COL24A1: variants seen among roughly 807,000 people sequenced by gnomAD.
COL24A1 encodes the protein collagen alpha-1(XXIV) chain.
A neutral mutation model predicts 253.9 loss-of-function variants in COL24A1; 224 were observed. That is an observed-to-expected ratio of 0.88 (90% CI 0.79 to 0.99). The LOEUF (loss-of-function observed/expected upper bound fraction) is 0.99. Among genes scored for constraint, COL24A1 ranks in the 50% least tolerant of loss-of-function variants. The probability of loss-of-function intolerance (pLI) is 0.00; values close to 1 mark genes in which losing one functional copy is unlikely to be tolerated. For synonymous variants in COL24A1, 685 were observed against 673.7 expected (o/e 1.02, Z -0.26); for missense variants, 2,131 against 2,068.5 (o/e 1.03, Z -0.59).
At chr1:86,130,245 A>G (rs1437844175) in intron 2 of COL24A1, among the ~76,000 whole-genome samples, 2 of 151,736 alleles carry the variant, frequency 1.3e-5, no homozygotes, top group Non-Finnish European at 2.9e-5. Context: ...GTTTTCATCT[A>G]CTGTGAAACA....
chr1:85,973,325 T>G (rs1236719929), intron 20 of COL24A1, among the ~76,000 whole-genome samples: 2 of 152,158 alleles, frequency 1.3e-5, no homozygotes, highest in Admixed American at 1.3e-4. Flanking sequence ...TCCCAATGAA[T>G]TCATAATTTA....
chr1:85,987,919 T>A (rs17128640), intron 19 of COL24A1, among the ~76,000 whole-genome samples: 1,868 of 151,970 alleles, frequency 0.012, 49 homozygotes, highest in African/African-American at 0.043. Flanking sequence ...GAAGTCTCAG[T>A]CCAAAATTAT....
intron 37 of COL24A1, among the ~76,000 whole-genome samples, chr1:85,862,377 C>T (rs313763): frequency 0.8 from 121,369 of 152,076 alleles, 48,784 homozygotes; most frequent in Non-Finnish European, 0.83. Context: ...AAATCTAAGA[C>T]AATGAATTTT....
intron 28 of COL24A1, among the ~76,000 whole-genome samples, chr1:85,906,264 C>CTTTTTTTTTTTTTTTTTTTTTTTTT (rs10526604): frequency 0.046 from 3,568 of 77,652 alleles, 934 homozygotes; most frequent in Non-Finnish European, 0.055. Context: ...ACTGCAAGGT[C>CTTTTTTTTTTTTTTTTTTTTTTTTT]TTTTTTTTTT....
At chr1:85,946,729 C>G (rs1315932595) in intron 24 of COL24A1, among the ~76,000 whole-genome samples, 1 of 152,164 alleles carries the variant, frequency 6.6e-6, no homozygotes, top group African/African-American at 2.4e-5. Context: ...CCTCAAAACC[C>G]ATGTACTTTC....
chr1:85,845,057 A>G (rs1367043156), intron 39 of COL24A1, among the ~76,000 whole-genome samples: 1 of 151,968 alleles, frequency 6.6e-6, no homozygotes. Flanking sequence ...CTTTGCTTAC[A>G]AATACAAATG....
chr1:85,989,319 T>G lies in COL24A1; in HGVS notation c.2311-1665A>C, dbSNP rs550570515. Among the ~76,000 whole-genome samples, 6 of 152,114 alleles carry G rather than the reference T, an allele frequency of 3.9e-5. No individual in the cohort carries two copies. In the East Asian group the frequency reaches 1.2e-3, roughly 29 times the overall value. On this transcript the variant is annotated intron_variant, in intron 19 of 59. Transcript: ENST00000370571. Reference sequence around the variant, plus strand: ...CTGTATAACAGATTTTTCATATGCTTTGAATACTTTCATATTTTTGATATA... The same window carrying G: ...CTGTATAACAGATTTTTCATATGCTGTGAATACTTTCATATTTTTGATATA...
intron 54 of COL24A1, 33 bp downstream of exon 54, chr1:85,761,498 A>T: frequency 6.2e-7 from 1 of 1,614,006 alleles, no homozygotes; most frequent in South Asian, 1.1e-5. Context: ...ATAAGCATCA[A>T]TGGTAAACAG....
intron 2 of COL24A1, among the ~76,000 whole-genome samples, chr1:86,141,042 T>C (rs1038033169): frequency 6.6e-6 from 1 of 152,180 alleles, no homozygotes; most frequent in African/African-American, 2.4e-5. Context: ...CAAATGAGAA[T>C]AAGGAAATGT....
chr1:85,952,023 T>A (rs1689984290), intron 24 of COL24A1, among the ~76,000 whole-genome samples: 1 of 152,122 alleles, frequency 6.6e-6, no homozygotes, highest in South Asian at 2.1e-4. Flanking sequence ...GCTCCCCTCA[T>A]CGGGCTGCTT....
intron 53 of COL24A1, among the ~76,000 whole-genome samples, chr1:85,774,009 G>C (rs552475875): frequency 6.6e-6 from 1 of 152,106 alleles, no homozygotes; most frequent in Non-Finnish European, 1.5e-5. Flanking sequence ...CTGTGGGTTT[G>C]TCATAAATAG....
intron 24 of COL24A1, among the ~76,000 whole-genome samples, chr1:85,952,073 G>T (rs1026603535): frequency 1.3e-5 from 2 of 152,114 alleles, no homozygotes; most frequent in Non-Finnish European, 2.9e-5. Flanking sequence ...ATAAACAGAA[G>T]ATAGAGTCCA....
At chr1:86,106,777 A>G (rs374399869) in intron 5 of COL24A1, among the ~76,000 whole-genome samples, 1 of 152,170 alleles carries the variant, frequency 6.6e-6, no homozygotes, top group Admixed American at 6.5e-5. Flanking sequence ...TAAGAAGAAC[A>G]TTGTTTCTAC....
chr1:86,022,250 GA>G lies in COL24A1; in HGVS notation c.2245del (p.Ser749GlnfsTer90). 1 of 1,612,932 alleles carries G rather than the reference GA, an allele frequency of 6.2e-7. No individual in the cohort carries two copies. Among genetic ancestry groups the G allele is most frequent in the East Asian group, 2.2e-5 (1 of 44,856 alleles). ...LPGPPGMRGK[S>X]GPSGQTGDPG... ...AAAGTTCAAACCTACTGAAGGCCCT[GA>G]CTTTCCTCTCATCCCTGGTGGTCCT... On this transcript the variant is annotated frameshift_variant, in exon 18 of 60. Transcript: ENST00000370571. LOFTEE classifies it high-confidence loss of function.
At chr1:85,924,651 G>A (rs1449124037) in intron 24 of COL24A1, among the ~76,000 whole-genome samples, 1 of 152,128 alleles carries the variant, frequency 6.6e-6, no homozygotes, top group Non-Finnish European at 1.5e-5. Flanking sequence ...CAATAAACTA[G>A]GTATTGATGG....
intron 14 of COL24A1, among the ~76,000 whole-genome samples, chr1:86,024,936 C>T (rs144865711): frequency 7.6e-4 from 116 of 152,000 alleles, no homozygotes; most frequent in African/African-American, 2.7e-3. Flanking sequence ...GATGAATGTA[C>T]TTTGTATATA....
rs1350573991 is a variant in COL24A1 at position 86,125,231 on chromosome 1, A to C, written c.1105T>G (p.Ser369Ala). The change falls in exon 3 of 60, where the codon TCT becomes GCT. Residue 369 changes from serine (S) to alanine (A), a missense_variant. Coordinates refer to ENST00000370571, the MANE Select transcript of COL24A1 (RefSeq NM_152890.7). ...AKMNTKEKFS[S>A]LLNMSDNITQ... is the part of the protein sequence containing the mutation. ...ATATTGTCAGACATGTTTAGGAGAG[A>C]GCTAAATTTCTCTTTGGTATTCATT... The C allele has an allele frequency of 6.2e-7, 1 of 1,613,474 alleles. No individual in the cohort carries two copies. The highest frequency in any genetic ancestry group is 8.5e-7 in the Non-Finnish European group (1 of 1,179,786).
At chr1:86,053,495 G>A (rs1700462947) in intron 10 of COL24A1, among the ~76,000 whole-genome samples, 1 of 152,038 alleles carries the variant, frequency 6.6e-6, no homozygotes, top group Admixed American at 6.6e-5. Flanking sequence ...CCACAGAGTT[G>A]AGGTCATTCT....
At chr1:86,052,908 G>A (rs1700414511) in intron 10 of COL24A1, among the ~76,000 whole-genome samples, 1 of 151,904 alleles carries the variant, frequency 6.6e-6, no homozygotes, top group Non-Finnish European at 1.5e-5. Context: ...TTTTTTAGGT[G>A]TTTTTCCTTG....
Sources: gnomAD v4.1 joint callset for allele counts (sites outside exome capture counted in the v4.1 genomes callset) on GRCh38, gnomAD v4.1.1 for gene constraint, MANE v1.5 for transcripts, NCBI Gene and HGNC (gene_info 2026-07-23, HGNC 2026-07-21) for gene names.